The following PRKDC variants were observed in gnomAD, a reference collection of about 807,000 sequenced individuals.
The protein encoded by PRKDC is protein kinase, DNA-activated, catalytic subunit.
In PRKDC, 82 loss-of-function variants were observed where a neutral mutation model predicts 486.9. The observed-to-expected ratio is 0.17, with a 90% CI of 0.14 to 0.20. The LOEUF is 0.20. Ranked by LOEUF, PRKDC falls within the 10% of genes least tolerant of loss-of-function variation. The probability of loss-of-function intolerance (pLI) is 1.00; values close to 1 mark genes in which losing one functional copy is unlikely to be tolerated. For missense variants in PRKDC, 4,504 were observed against 5,038.2 expected (o/e 0.89, Z 3.21); for synonymous variants, 1,895 against 1,837.0 (o/e 1.03, Z -0.81).
intron 22 of PRKDC, among the ~76,000 whole-genome samples, chr8:47,917,483 T>C (rs1050407130): frequency 3.3e-5 from 5 of 152,218 alleles, no homozygotes; most frequent in Admixed American, 3.3e-4. Context: ...TTTTAATTCT[T>C]ACTTCATTCC....
chr8:47,864,563 A>G lies in PRKDC; in HGVS notation c.5564T>C (p.Phe1855Ser), dbSNP rs756217300. ...VDAIDVLKSR[F>S]TKLNESTFDT... is the part of the protein sequence containing the mutation. ...ATTTAAGGCGTATGATACCTTTGTA[A>G]ACCTGGACTTCAACACATCAATGGC... is the stretch of plus-strand genomic sequence containing the variant. The change falls in exon 41 of 86, where the codon TTT becomes TCT. Residue 1855 changes from phenylalanine (F) to serine (S), a missense_variant. Physicochemically the swap from Phe to Ser is radical, Grantham distance 155. Around this residue, in one of 6 missense-constraint regions of PRKDC, gnomAD observed 1,969 missense variants for 2,068.9 expected, o/e 0.95. Coordinates refer to ENST00000314191, the MANE Select transcript of PRKDC (RefSeq NM_006904.7). 1.2e-6 allele frequency: 2 copies of G among 1,607,062 alleles called. No homozygotes were observed. Among genetic ancestry groups the G allele is most frequent in the Admixed American group, 3.4e-5 (2 of 59,106 alleles).
chr8:47,869,334 C>T (rs1171331963), intron 40 of PRKDC, among the ~76,000 whole-genome samples: 1 of 151,666 alleles, frequency 6.6e-6, no homozygotes, highest in Admixed American at 6.6e-5. Context: ...ACCAGCTCAG[C>T]CACAGCAGAA....
At chr8:47,925,370 C>T (rs1190025246) in intron 21 of PRKDC, among the ~76,000 whole-genome samples, 1 of 152,234 alleles carries the variant, frequency 6.6e-6, no homozygotes, top group Admixed American at 6.5e-5. Context: ...GAGGAAACAT[C>T]AGACAAACCC....
rs368704791 is a variant in PRKDC, at chr8:47,836,359, A to G, written c.7930T>C (p.Phe2644Leu). ...TTACCTGCAGTCTGTGTCAGTGTGAAGTCATGCTGCTGCTGGGTGGCCCTT... is the reference window on the plus strand; with the variant it reads ...TTACCTGCAGTCTGTGTCAGTGTGAGGTCATGCTGCTGCTGGGTGGCCCTT... Reference protein sequence around the residue: ...QIRATQQQHDFTLTQTADGRS... With the variant: ...QIRATQQQHDLTLTQTADGRS... Residue 2644 changes from phenylalanine (F) to leucine (L), a missense_variant, in exon 58 of 86, where the codon TTC becomes CTC. Physicochemically the swap from Phe to Leu is conservative, Grantham distance 22 (BLOSUM62 0). Around this residue, in one of 6 missense-constraint regions of PRKDC, gnomAD observed 1,592 missense variants for 1,724.6 expected, o/e 0.92. Transcript: ENST00000314191. The G allele has an allele frequency of 3.9e-5, 62 of 1,599,874 alleles. No homozygotes were observed. Among genetic ancestry groups the G allele is most frequent in the Non-Finnish European group, 5.1e-5 (60 of 1,171,432 alleles).
At chr8:47,934,122 T>C (rs1171969868) in intron 14 of PRKDC, 32 bp from the exon 15 acceptor site, 3 of 1,579,580 alleles carry the variant, frequency 1.9e-6, no homozygotes, top group South Asian at 2.3e-5. Context: ...CAATATGTAG[T>C]GATGGATTCT....
At chr8:47,942,036 G>GCAT (rs1343785075) in intron 10 of PRKDC, among the ~76,000 whole-genome samples, 1 of 152,194 alleles carries the variant, frequency 6.6e-6, no homozygotes, top group Non-Finnish European at 1.5e-5. Context: ...GGAAAGGCAG[G>GCAT]CATCGCTAGG....
intron 31 of PRKDC, among the ~76,000 whole-genome samples, chr8:47,891,447 G>C (rs185169729): frequency 3.3e-5 from 5 of 152,172 alleles, no homozygotes; most frequent in African/African-American, 1.2e-4. Context: ...TCAGCCGGGC[G>C]CGGTGGCTCA....
Position 47,820,810 on chromosome 8 carries a change from T to C in PRKDC, c.9245A>G (p.Tyr3082Cys), listed in dbSNP as rs2087575126. The C allele has an allele frequency of 5.0e-6, 8 of 1,613,428 alleles. No individual in the cohort carries two copies. Among genetic ancestry groups the C allele is most frequent in the Non-Finnish European group, 6.8e-6 (8 of 1,179,558 alleles). The change falls in exon 66 of 86, where the codon TAC becomes TGC. Residue 3082 changes from tyrosine to cysteine, a missense_variant. Tyr to Cys is a radical substitution (Grantham distance 194). Transcript: ENST00000314191. ...GTAAAGCAGACTCAGCTCTTGACTG[T>C]AATGAAGCTCTAGAATCGCCTTCTG... Reference protein sequence around the residue: ...ELQKAILELHYSQELSLLYLL... With the variant: ...ELQKAILELHCSQELSLLYLL...
intron 69 of PRKDC, among the ~76,000 whole-genome samples, chr8:47,805,989 T>C (rs1045391791): frequency 6.6e-6 from 1 of 152,176 alleles, no homozygotes; most frequent in Non-Finnish European, 1.5e-5. Context: ...GAACCTTCAA[T>C]GGCCTCCTGA....
chr8:47,785,039 C>T, intron 77 of PRKDC, 74 bp downstream of exon 77: 1 of 1,437,830 alleles, frequency 7.0e-7, no homozygotes, highest in Non-Finnish European at 9.7e-7. Flanking sequence ...ATCACTATTC[C>T]AGAAACCACG....
At chr8:47,860,161 C>G (rs1174245411) in intron 45 of PRKDC, among the ~76,000 whole-genome samples, 2 of 152,096 alleles carry the variant, frequency 1.3e-5, no homozygotes, top group Non-Finnish European at 2.9e-5. Flanking sequence ...AAATTTTATT[C>G]TCATATCAAG....
chr8:47,859,454 G>A (rs2088622511), intron 46 of PRKDC, among the ~76,000 whole-genome samples, 157 bp downstream of exon 46: 1 of 152,206 alleles, frequency 6.6e-6, no homozygotes, highest in Non-Finnish European at 1.5e-5. Context: ...TAAAAGGCTA[G>A]GAATTAGATC....
chr8:47,800,090 G>A (rs144029426), intron 71 of PRKDC, among the ~76,000 whole-genome samples: 6 of 152,032 alleles, frequency 3.9e-5, no homozygotes, highest in Admixed American at 1.3e-4. Flanking sequence ...TTGGCTGTGC[G>A]TGCCATCCCA....
chr8:47,896,507 C>A (rs202092135), intron 30 of PRKDC, among the ~76,000 whole-genome samples: 1 of 152,228 alleles, frequency 6.6e-6, no homozygotes, highest in South Asian at 2.1e-4. Context: ...ATTAGCCGGA[C>A]GCGGTGGCGG....
intron 23 of PRKDC, 31 bp from the exon 24 acceptor site, chr8:47,914,095 A>C: frequency 7.1e-7 from 1 of 1,407,732 alleles, no homozygotes; most frequent in Non-Finnish European, 9.3e-7. Context: ...AGAATGAAAC[A>C]CTTTTTTTCT....
At chr8:47,818,122 C>T (rs1436472625) in intron 67 of PRKDC, among the ~76,000 whole-genome samples, 1 of 152,120 alleles carries the variant, frequency 6.6e-6, no homozygotes, top group Non-Finnish European at 1.5e-5. Flanking sequence ...ATGTGTTTTT[C>T]TTTCTGTTGG....
Position 47,837,233 on chromosome 8 carries a change from A to G in PRKDC, c.7740T>C (p.Pro2580=). ...TTACCTGAAATTCGCATTCTGACAGAGGATGCTCGAACATGGGGTTTGGAT... is the reference window on the plus strand; with the variant it reads ...TTACCTGAAATTCGCATTCTGACAGGGGATGCTCGAACATGGGGTTTGGAT... ...PDYPNPMFEH[P]LSECEFQEYT... The change falls in exon 57 of 86, where the codon CCT becomes CCC. Residue 2580 remains proline, a synonymous_variant. Transcript: ENST00000314191. The G allele has an allele frequency of 1.2e-6, 2 of 1,613,746 alleles. No homozygotes were observed. Among genetic ancestry groups the G allele is most frequent in the Non-Finnish European group, 1.7e-6 (2 of 1,179,734 alleles).
chr8:47,918,509 A>G (rs2090024563), intron 21 of PRKDC, 126 bp from the exon 22 acceptor site: 3 of 596,124 alleles, frequency 5.0e-6, no homozygotes, highest in East Asian at 3.1e-5. Flanking sequence ...TAAAAAAATT[A>G]AGTTTCTAAA....
chr8:47,941,142 A>C (rs567805649), intron 10 of PRKDC, among the ~76,000 whole-genome samples: 247 of 151,984 alleles, frequency 1.6e-3, no homozygotes, highest in African/African-American at 5.7e-3. Flanking sequence ...AAAAAAAAAA[A>C]AACCAAAAAA....
Sources: allele counts gnomAD v4.1 joint callset (sites outside exome capture counted in the v4.1 genomes callset), GRCh38; gene constraint gnomAD v4.1.1; regional missense constraint gnomAD v4.1.1; transcripts MANE v1.5; gene names NCBI Gene and HGNC (gene_info 2026-07-23, HGNC 2026-07-21).